The following MBTPS1 variants were observed in gnomAD, a reference collection of about 807,000 sequenced individuals.
MBTPS1 encodes membrane-bound transcription factor site-1 protease.
MBTPS1 carries 94 observed loss-of-function variants against 127.8 expected under a neutral mutation model. That is an observed-to-expected ratio of 0.74 (90% confidence interval 0.62 to 0.87). MBTPS1 has a LOEUF of 0.87. MBTPS1 is among the 40% of genes least tolerant of loss of function. The pLI is 0.00. For missense variants in MBTPS1, 1,636 were observed against 1,353.2 expected (o/e 1.21, Z -3.28); for synonymous variants, 632 against 509.4 (o/e 1.24, Z -3.24).
chr16:84,057,819 C>T (rs2085543316), intron 21 of MBTPS1: 1 of 152,194 alleles, frequency 6.6e-6, no homozygotes, highest in Non-Finnish European at 1.5e-5. Flanking sequence ...TGTCCATTAT[C>T]AACATGCTGG....
chr16:84,054,403 G>T lies in MBTPS1; in HGVS notation c.*46C>A, dbSNP rs777004731. 2.0e-6 allele frequency: 3 copies of T among 1,515,056 alleles called. No homozygotes were observed. Among genetic ancestry groups the T allele is most frequent in the Non-Finnish European group, 2.7e-6 (3 of 1,126,594 alleles). 93.9% of individuals were successfully genotyped at this position (1,515,056 alleles called of 1,614,324 possible). A position where few individuals can be genotyped will look rare whatever the true frequency, so the allele number is the denominator to read the frequency against. ...ACAGCTCGGCTCACCCACCAGCGCC[G>T]TCCGTGAAGGCTCTCTCTGGCCCTC... On this transcript the variant is annotated 3_prime_UTR_variant, in exon 23 of 23. Coordinates refer to ENST00000343411, the MANE Select transcript of MBTPS1 (RefSeq NM_003791.4).
rs773033932 is a variant in MBTPS1, at chr16:84,099,074, G to C, written c.400C>G (p.Arg134Gly). 5.0e-6 allele frequency: 8 copies of C among 1,614,116 alleles called. No individual in the cohort carries two copies. Among genetic ancestry groups the C allele is most frequent in the East Asian group, 2.2e-5 (1 of 44,884 alleles). The stretch of plus-strand genomic sequence containing the variant: ...TCACATTCAGCATACTTGAGGGAAC[G>C]AAAGACTTTTCGTTGGGGCGTGACC... ...KRVTPQRKVF[R>G]SLKYAESDPT... Residue 134 changes from arginine (R) to glycine (G), a missense_variant, in exon 3 of 23, where the codon CGT becomes GGT. Physicochemically the swap from Arg to Gly is moderately radical, Grantham distance 125. Coordinates refer to ENST00000343411, the MANE Select transcript of MBTPS1 (RefSeq NM_003791.4).
At chr16:84,060,308 A>G (rs1403803144) in intron 20 of MBTPS1, 5 of 171,534 alleles carry the variant, frequency 2.9e-5, no homozygotes, top group Non-Finnish European at 6.2e-5. Context: ...AATCCATGGG[A>G]GCATCCCAGC....
chr16:84,092,851 A>G (rs1314209962), intron 6 of MBTPS1, among the ~76,000 whole-genome samples: 2 of 152,182 alleles, frequency 1.3e-5, no homozygotes, highest in African/African-American at 2.4e-5. Context: ...TCTATCTGCA[A>G]TTGTTCTGTT....
chr16:84,084,385 C>T (rs778938864), intron 10 of MBTPS1, among the ~76,000 whole-genome samples: 29 of 152,220 alleles, frequency 1.9e-4, no homozygotes, highest in Non-Finnish European at 4.0e-4. Flanking sequence ...GTGGCTCTGA[C>T]ATCCTTTGCT....
chr16:84,116,337 A>C (rs964711111), intron 1 of MBTPS1, among the ~76,000 whole-genome samples: 4 of 152,172 alleles, frequency 2.6e-5, no homozygotes, highest in African/African-American at 7.2e-5. Flanking sequence ...ATTTCCAAAA[A>C]CCAGCAGCGC....
intron 19 of MBTPS1, among the ~76,000 whole-genome samples, chr16:84,062,272 C>T (rs1470853745): frequency 1.3e-5 from 2 of 152,180 alleles, no homozygotes; most frequent in African/African-American, 4.8e-5. Context: ...AGGCACACGC[C>T]ACCACGCCTG....
chr16:84,088,829 C>G (rs3785019), intron 8 of MBTPS1, among the ~76,000 whole-genome samples: 9,441 of 152,236 alleles, frequency 0.062, 345 homozygotes, highest in South Asian at 0.17. Flanking sequence ...AAACCACACC[C>G]ACCACAAGCT....
chr16:84,087,132 T>C (rs532691291), intron 9 of MBTPS1, among the ~76,000 whole-genome samples: 1 of 152,242 alleles, frequency 6.6e-6, no homozygotes, highest in East Asian at 1.9e-4. Context: ...CAGCCGGTGC[T>C]CATCACAGCA....
rs2086262891 is a variant in MBTPS1, at chr16:84,101,915, C to A, written c.-132G>T. ...TCAGCCATCTTACAGTCTTGCCCAA[C>A]ATAAATAAAAGTTAAATCCCATGGC... is the stretch of plus-strand genomic sequence containing the variant. On this transcript the variant is annotated 5_prime_UTR_variant, in exon 2 of 23. It removes an upstream start codon present in the reference 5' UTR. Coordinates refer to ENST00000343411, the MANE Select transcript of MBTPS1 (RefSeq NM_003791.4). 1.2e-6 allele frequency: 1 copy of A among 809,096 alleles called. No individual in the cohort carries two copies. The highest frequency in any genetic ancestry group is 2.6e-5 in the East Asian group (1 of 38,028). 50.1% of individuals were successfully genotyped at this position (809,096 alleles called of 1,614,324 possible).
intron 11 of MBTPS1, among the ~76,000 whole-genome samples, chr16:84,079,887 C>A (rs34771765): frequency 2.8e-4 from 43 of 152,080 alleles, no homozygotes; most frequent in Admixed American, 3.9e-4. Context: ...TAGCTCTGTC[C>A]GAAGAGCGCA....
rs779367146 is a variant in MBTPS1, at chr16:84,093,814, A to C, written c.633T>G (p.Asn211Lys). The C allele has an allele frequency of 6.2e-7, 1 of 1,601,314 alleles. No homozygotes were observed. The highest frequency in any genetic ancestry group is 2.2e-5 in the East Asian group (1 of 44,814). The change falls in exon 5 of 23, where the codon AAT becomes AAG. Residue 211 changes from asparagine to lysine, a missense_variant. Physicochemically the swap from Asn to Lys is moderately conservative, Grantham distance 94. Coordinates refer to ENST00000343411, the MANE Select transcript of MBTPS1 (RefSeq NM_003791.4). ...CAGTGTCAAAAACAGCAACTCTTAC[A>C]TTAGCACCTTATTCGGAAAAGAAAG... ...VLWQMGYTGA[N>K]VRVAVFDTGL...
chr16:84,101,162 T>G (rs2086248855), intron 2 of MBTPS1, among the ~76,000 whole-genome samples: 1 of 150,476 alleles, frequency 6.6e-6, no homozygotes, highest in African/African-American at 2.4e-5. Context: ...TAACTGGGAG[T>G]TGTGGCGGGT....
At chr16:84,097,837 C>CGTGTGTGTGTGTGTGTGTGT (rs71382894) in intron 3 of MBTPS1, among the ~76,000 whole-genome samples, 12 of 143,014 alleles carry the variant, frequency 8.4e-5, no homozygotes, top group South Asian at 2.3e-4. Context: ...AACTTCTCTT[C>CGTGTGTGTGTGTGTGTGTGT]GTGTGTGTGT....
At chr16:84,091,983 T>A in intron 6 of MBTPS1, 135 bp from the exon 7 acceptor site, 1 of 612,672 alleles carries the variant, frequency 1.6e-6, no homozygotes, top group Non-Finnish European at 2.9e-6. Flanking sequence ...CAGAAATGAA[T>A]CCTGAGCATG....
rs57906119 is a variant in MBTPS1 at position 84,077,249 on chromosome 16, A to AGACAG, written c.1449-2509_1449-2508insCTGTC. On this transcript the variant is annotated intron_variant, in intron 11 of 22. Coordinates refer to ENST00000343411, the MANE Select transcript of MBTPS1 (RefSeq NM_003791.4). ...CATTAAAAAAGAAAAAAAAAAAAAAAAGAGAGAGAGAAAAGAAAAGAAAGA... is the reference window on the plus strand; with the variant it reads ...CATTAAAAAAGAAAAAAAAAAAAAAAGACAGAGAGAGAGAGAAAAGAAAAGAAAGA... Among the ~76,000 whole-genome samples, 6 of 138,846 alleles carry AGACAG rather than the reference A, an allele frequency of 4.3e-5. No individual in the cohort carries two copies. In the East Asian group the frequency reaches 8.7e-4, roughly 20 times the overall value. The allele number at this position is 138,846 out of a possible 152,430, so 91.1% of individuals were successfully genotyped here.
chr16:84,089,964 C>T (rs1316985803), intron 8 of MBTPS1, among the ~76,000 whole-genome samples: 2 of 152,224 alleles, frequency 1.3e-5, no homozygotes, highest in South Asian at 2.1e-4. Context: ...ATGCCACTTA[C>T]ATCTATGGCT....
At chr16:84,101,300 AAAAAC>A (rs546229026) in intron 2 of MBTPS1, among the ~76,000 whole-genome samples, 5 of 152,044 alleles carry the variant, frequency 3.3e-5, no homozygotes, top group African/African-American at 4.8e-5. Flanking sequence ...ACTCCATCTC[AAAAAC>A]AAAACAAAAC....
At chr16:84,114,543 T>C (rs988414527) in intron 1 of MBTPS1, among the ~76,000 whole-genome samples, 2 of 151,806 alleles carry the variant, frequency 1.3e-5, no homozygotes, top group African/African-American at 4.8e-5. Flanking sequence ...TAAAATGCCT[T>C]TCCTCAGCTG....
Sources: allele counts gnomAD v4.1 joint callset (sites outside exome capture counted in the v4.1 genomes callset), GRCh38; gene constraint gnomAD v4.1.1; transcripts MANE v1.5; gene names NCBI Gene and HGNC (gene_info 2026-07-23, HGNC 2026-07-21).